Variants in PALLD observed in about 807,000 individuals in gnomAD.
The protein encoded by PALLD is palladin, cytoskeletal associated protein, also known as palladin.
In PALLD, 61 loss-of-function variants were observed where a neutral mutation model predicts 123.5. The observed-to-expected ratio is 0.49, with a 90% CI of 0.40 to 0.61. The LOEUF is 0.61. Ranked by LOEUF, PALLD falls within the 20% of genes least tolerant of loss-of-function variation. The probability of loss-of-function intolerance (pLI) is 0.00; values close to 1 mark genes in which losing one functional copy is unlikely to be tolerated. For missense variants in PALLD, 1,273 were observed against 1,377.0 expected (o/e 0.92, Z 1.20); for synonymous variants, 465 against 496.4 (o/e 0.94, Z 0.84).
intron 6 of PALLD, 130 bp from the exon 7 acceptor site, chr4:168,690,472 TG>T: frequency 9.1e-7 from 1 of 1,093,578 alleles, no homozygotes; most frequent in African/African-American, 1.5e-5. Flanking sequence ...AATTATTTGA[TG>T]ATGCAAGTTT....
chr4:168,522,741 G>A (rs1008121394), intron 2 of PALLD, among the ~76,000 whole-genome samples: 2 of 152,152 alleles, frequency 1.3e-5, no homozygotes, highest in Admixed American at 1.3e-4. Context: ...CTACCAGTTG[G>A]TGTTTGAATG....
chr4:168,917,362 T>G (rs1052338691), intron 17 of PALLD, among the ~76,000 whole-genome samples: 2 of 152,144 alleles, frequency 1.3e-5, no homozygotes, highest in African/African-American at 4.8e-5. Context: ...GCAAGGCTTT[T>G]TAACCCAAGG....
intron 10 of PALLD, among the ~76,000 whole-genome samples, chr4:168,872,648 A>G (rs1751239895): frequency 1.3e-5 from 2 of 152,244 alleles, no homozygotes; most frequent in Non-Finnish European, 2.9e-5. Flanking sequence ...AGCCCAGTGC[A>G]ATACATTCTC....
chr4:168,729,531 G>T (rs1052522103), intron 10 of PALLD, among the ~76,000 whole-genome samples: 6 of 152,070 alleles, frequency 3.9e-5, no homozygotes, highest in Admixed American at 3.3e-4. Context: ...CCTCTTAAAG[G>T]CAGGAAAACT....
At chr4:168,607,124 C>T (rs533722564) in intron 2 of PALLD, among the ~76,000 whole-genome samples, 19 of 152,030 alleles carry the variant, frequency 1.2e-4, no homozygotes, top group Admixed American at 1.1e-3. Flanking sequence ...TATATAGGTG[C>T]TTGCAAGGAA....
At chr4:168,636,458 C>G (rs985965157) in intron 2 of PALLD, among the ~76,000 whole-genome samples, 30 of 152,286 alleles carry the variant, frequency 2.0e-4, no homozygotes, top group African/African-American at 7.2e-4. Flanking sequence ...GCCCTCTAGC[C>G]TGACTGACAG....
chr4:168,517,049 T>C (rs1478393346), intron 2 of PALLD, among the ~76,000 whole-genome samples: 1 of 152,094 alleles, frequency 6.6e-6, no homozygotes, highest in Non-Finnish European at 1.5e-5. Flanking sequence ...ATTGGAAAAG[T>C]CCAGGCTGAC....
Position 168,816,950 on chromosome 4 carries a change from A to G in PALLD, c.1965-73972A>G, listed in dbSNP as rs550284966. On this transcript the variant is annotated intron_variant, in intron 10 of 21. Coordinates refer to ENST00000505667, the MANE Select transcript of PALLD (RefSeq NM_001166108.2). ...TTGGCAGAATGTTTGAACAAGACAA[A>G]GAGCAGTTCCAGCGACCAAATAAGG... Among the ~76,000 whole-genome samples the G allele has an allele frequency of 2.6e-5, 4 of 152,032 alleles. No individual in the cohort carries two copies. The South Asian group carries it at 8.3e-4, about 32-fold the overall frequency.
At chr4:168,576,229 C>CT (rs892809714) in intron 2 of PALLD, among the ~76,000 whole-genome samples, 5 of 150,988 alleles carry the variant, frequency 3.3e-5, no homozygotes, top group Non-Finnish European at 5.9e-5. Context: ...GCAGCATTTT[C>CT]TTTTTTTTTC....
chr4:168,571,356 G>A lies in PALLD; in HGVS notation c.908+58944G>A, dbSNP rs371222129. Among the ~76,000 whole-genome samples, 288 of 152,140 alleles carry A rather than the reference G, an allele frequency of 1.9e-3. 2 individuals carry two copies. Among genetic ancestry groups the A allele is most frequent in the African/African-American group, 6.6e-3 (272 of 41,520 alleles). ...CTAAGATAACTTTTTTCCCCTAAACGTAAGCACTATGTCCAAGTTATCAAT... is the reference window on the plus strand; with the variant it reads ...CTAAGATAACTTTTTTCCCCTAAACATAAGCACTATGTCCAAGTTATCAAT... On this transcript the variant is annotated intron_variant, in intron 2 of 21. Coordinates refer to ENST00000505667, the MANE Select transcript of PALLD (RefSeq NM_001166108.2).
At chr4:168,751,802 G>A (rs1387074156) in intron 10 of PALLD, among the ~76,000 whole-genome samples, 2 of 152,136 alleles carry the variant, frequency 1.3e-5, no homozygotes, top group Admixed American at 1.3e-4. Context: ...TCCATCTTTG[G>A]TTGTGATTTT....
At chr4:168,817,619 T>A (rs893819862) in intron 10 of PALLD, among the ~76,000 whole-genome samples, 1 of 152,228 alleles carries the variant, frequency 6.6e-6, no homozygotes, top group African/African-American at 2.4e-5. Flanking sequence ...GGATAAATGC[T>A]GCTCTTATTT....
chr4:168,678,592 G>A (rs1163041974), intron 3 of PALLD, among the ~76,000 whole-genome samples: 1 of 152,152 alleles, frequency 6.6e-6, no homozygotes, highest in Non-Finnish European at 1.5e-5. Flanking sequence ...AGCAGGGAGA[G>A]AGAGTCCCCA....
At chr4:168,777,084 A>G (rs1235969065) in intron 10 of PALLD, among the ~76,000 whole-genome samples, 1 of 151,588 alleles carries the variant, frequency 6.6e-6, no homozygotes, top group Non-Finnish European at 1.5e-5. Context: ...GAATACACAC[A>G]CACAGAGGCA....
intron 2 of PALLD, among the ~76,000 whole-genome samples, chr4:168,607,072 G>A (rs767815238): frequency 1.3e-5 from 2 of 152,158 alleles, no homozygotes; most frequent in African/African-American, 2.4e-5. Flanking sequence ...CAAAAGGCAC[G>A]GGGGCTGGGA....
chr4:168,772,688 C>G (rs116130746), intron 10 of PALLD, among the ~76,000 whole-genome samples: 4 of 152,166 alleles, frequency 2.6e-5, no homozygotes, highest in Non-Finnish European at 5.9e-5. Context: ...GTAGTGGAGG[C>G]CAGCTTCTTG....
chr4:168,686,952 A>G (rs866855538), intron 6 of PALLD, among the ~76,000 whole-genome samples: 1 of 152,258 alleles, frequency 6.6e-6, no homozygotes. Flanking sequence ...TAATCGGAGT[A>G]GAGCCCACAA....
chr4:168,822,008 G>A (rs965238607), intron 10 of PALLD, among the ~76,000 whole-genome samples: 1 of 151,984 alleles, frequency 6.6e-6, no homozygotes, highest in East Asian at 1.9e-4. Flanking sequence ...TCTGTGCCAG[G>A]CCATGGTGGG....
intron 15 of PALLD, chr4:168,904,213 T>C: frequency 3.1e-6 from 1 of 323,372 alleles, no homozygotes; most frequent in South Asian, 3.8e-5. Context: ...TGGTAAAAAA[T>C]AAGCAATTAA....
Sources: gnomAD v4.1 joint callset for allele counts (sites outside exome capture counted in the v4.1 genomes callset) on GRCh38, gnomAD v4.1.1 for gene constraint, MANE v1.5 for transcripts, NCBI Gene and HGNC (gene_info 2026-07-23, HGNC 2026-07-21) for gene names.